The following CNTNAP5 variants were observed in gnomAD, a reference collection of about 807,000 sequenced individuals.
The protein encoded by CNTNAP5 is contactin-associated protein-like 5.
A neutral mutation model predicts 150.2 loss-of-function variants in CNTNAP5; 72 were observed. The ratio of observed to expected loss-of-function variants is 0.48; its 90% CI spans 0.40 to 0.58. The LOEUF (loss-of-function observed/expected upper bound fraction) is 0.58. CNTNAP5 is among the 20% of genes least tolerant of loss of function. CNTNAP5 has a pLI of 0.00. For synonymous variants in CNTNAP5, 672 were observed against 619.8 expected, an observed-to-expected ratio of 1.08 and a Z score of -1.25; for missense variants, 1,636 against 1,626.2, an observed-to-expected ratio of 1.01 and a Z score of -0.10.
chr2:124,271,273 A>C (rs575324730), intron 3 of CNTNAP5, among the ~76,000 whole-genome samples: 23 of 152,290 alleles, frequency 1.5e-4, no homozygotes, highest in African/African-American at 5.5e-4. Context: ...AATAAATTCC[A>C]TAAGAGGAGA....
intron 8 of CNTNAP5, among the ~76,000 whole-genome samples, chr2:124,515,305 G>T (rs1007725376): frequency 2.6e-5 from 4 of 152,150 alleles, no homozygotes; most frequent in African/African-American, 9.7e-5. Context: ...GTCCCAAAAC[G>T]TGACTCAAAC....
chr2:124,791,840 C>T (rs967908681), intron 18 of CNTNAP5, among the ~76,000 whole-genome samples: 1 of 151,970 alleles, frequency 6.6e-6, no homozygotes, highest in African/African-American at 2.4e-5. Context: ...GTTACATAGG[C>T]AAGTGTGTGC....
intron 1 of CNTNAP5, among the ~76,000 whole-genome samples, chr2:124,162,824 T>G (rs995055180): frequency 6.6e-6 from 1 of 150,896 alleles, no homozygotes; most frequent in African/African-American, 2.4e-5. Context: ...CATCATAGAA[T>G]GTATTTCAAG....
intron 1 of CNTNAP5, among the ~76,000 whole-genome samples, chr2:124,075,059 TA>T (rs1682405597): frequency 6.6e-6 from 1 of 152,104 alleles, no homozygotes; most frequent in South Asian, 2.1e-4. Context: ...TGTCAAACAT[TA>T]AAAATGTACT....
intron 7 of CNTNAP5, among the ~76,000 whole-genome samples, chr2:124,475,861 G>C (rs1269986654): frequency 6.6e-6 from 1 of 151,880 alleles, no homozygotes; most frequent in Non-Finnish European, 1.5e-5. Context: ...TCTTTTAATT[G>C]GTCTATTTAG....
At position 124,446,737 on chromosome 2, in the gene CNTNAP5, T is replaced by G. The variant is rs770210108; in HGVS notation, c.734-16T>G. 6.2e-7 allele frequency: 1 copy of G among 1,609,858 alleles called. No homozygotes were observed. ...TTGGACACAGACATCATCTTGCCTC[T>G]CTCCCCTCTTCACAGGTGACAGCAA... On this transcript the variant is annotated splice_polypyrimidine_tract_variant and intron_variant, in intron 5 of 23. Coordinates refer to ENST00000682447, the MANE Select transcript of CNTNAP5 (RefSeq NM_001367498.1).
At chr2:124,036,309 A>G (rs572469649) in intron 1 of CNTNAP5, among the ~76,000 whole-genome samples, 1 of 152,152 alleles carries the variant, frequency 6.6e-6, no homozygotes, top group East Asian at 1.9e-4. Context: ...TTCACAAGGG[A>G]AAAGGAAACC....
Position 124,843,860 on chromosome 2 carries a change from T to A in CNTNAP5, c.3218-21446T>A, listed in dbSNP as rs1212007146. On this transcript the variant is annotated intron_variant, in intron 19 of 23. Transcript: ENST00000682447. ...CCCACTTTTTGATGAGATTGTCTGTTCTTTCATTGCTAATTTGTTTGAGTT... is the reference window on the plus strand; with the variant it reads ...CCCACTTTTTGATGAGATTGTCTGTACTTTCATTGCTAATTTGTTTGAGTT... 2.0e-5 allele frequency among the ~76,000 whole-genome samples: 3 copies of A among 152,146 alleles called. No homozygotes were observed. In the East Asian group the frequency reaches 5.8e-4, roughly 29 times the overall value.
intron 11 of CNTNAP5, among the ~76,000 whole-genome samples, chr2:124,605,816 A>G (rs1697093031): frequency 6.8e-6 from 1 of 147,648 alleles, no homozygotes; most frequent in African/African-American, 2.5e-5. Context: ...TGTCAAAAAA[A>G]AAAAAAAAAA....
intron 19 of CNTNAP5, among the ~76,000 whole-genome samples, chr2:124,845,938 C>CT (rs566594290): frequency 1.4e-4 from 20 of 147,046 alleles, no homozygotes; most frequent in South Asian, 4.4e-4. Context: ...AAAGAACCAG[C>CT]TTTTTTTTTT....
chr2:124,446,610 G>C lies in CNTNAP5; in HGVS notation c.734-143G>C, dbSNP rs1228699403. 8.4e-6 allele frequency: 6 copies of C among 711,898 alleles called. No individual in the cohort carries two copies. The African/African-American group carries it at 1.1e-4, about 13-fold the overall frequency. 44.1% of individuals were successfully genotyped at this position (711,898 alleles called of 1,614,324 possible). A position where few individuals can be genotyped will look rare whatever the true frequency, so the allele number is the denominator to read the frequency against. On this transcript the variant is annotated intron_variant, in intron 5 of 23. Transcript: ENST00000682447. ...GGGCCAAGCCTGTTATTCCTTCCCAGGTCCAGCACAGTTCCAGGCCTGTAG... is the reference window on the plus strand; with the variant it reads ...GGGCCAAGCCTGTTATTCCTTCCCACGTCCAGCACAGTTCCAGGCCTGTAG...
intron 8 of CNTNAP5, among the ~76,000 whole-genome samples, chr2:124,517,731 A>T (rs1694759568): frequency 7.5e-6 from 1 of 133,034 alleles, no homozygotes; most frequent in Non-Finnish European, 1.6e-5. Flanking sequence ...GGTGTTGGTG[A>T]TGGAGGGTTT....
At chr2:124,210,003 G>T (rs1030179999) in intron 1 of CNTNAP5, among the ~76,000 whole-genome samples, 7 of 152,122 alleles carry the variant, frequency 4.6e-5, no homozygotes, top group African/African-American at 1.7e-4. Context: ...AATAAGCGGT[G>T]CCAGAAGATT....
intron 21 of CNTNAP5, among the ~76,000 whole-genome samples, chr2:124,900,812 T>A: frequency 6.6e-6 from 1 of 151,614 alleles, no homozygotes; most frequent in Non-Finnish European, 1.5e-5. Context: ...TTTATGCTCC[T>A]CTTCCCTTGT....
chr2:124,322,593 T>A (rs922130087), intron 3 of CNTNAP5, among the ~76,000 whole-genome samples: 3 of 152,226 alleles, frequency 2.0e-5, no homozygotes, highest in Non-Finnish European at 4.4e-5. Context: ...TGATAATAAA[T>A]CAGGGTCATC....
intron 13 of CNTNAP5, among the ~76,000 whole-genome samples, chr2:124,707,039 A>AAGAAGAAGG (rs1553433616): frequency 0.021 from 1,738 of 82,066 alleles, 73 homozygotes; most frequent in Admixed American, 0.033. Flanking sequence ...GAAGAAGAAG[A>AAGAAGAAGG]AGGAGGAGGA....
intron 1 of CNTNAP5, among the ~76,000 whole-genome samples, chr2:124,069,276 G>T (rs1682240649): frequency 6.6e-6 from 1 of 152,192 alleles, no homozygotes; most frequent in African/African-American, 2.4e-5. Flanking sequence ...GGAAGGAAGA[G>T]CAGGAAGGAC....
chr2:124,271,258 A>AT (rs1687744049), intron 3 of CNTNAP5, among the ~76,000 whole-genome samples: 3 of 152,182 alleles, frequency 2.0e-5, no homozygotes, highest in Admixed American at 2.0e-4. Context: ...TAAAAAAAAA[A>AT]GGAAAATAAA....
chr2:124,398,907 T>C (rs1691332953), intron 3 of CNTNAP5, among the ~76,000 whole-genome samples: 1 of 152,166 alleles, frequency 6.6e-6, no homozygotes, highest in South Asian at 2.1e-4. Context: ...ATGATGGTGA[T>C]GATGGAGGGA....
Sources: allele counts gnomAD v4.1 joint callset (sites outside exome capture counted in the v4.1 genomes callset), GRCh38; gene constraint gnomAD v4.1.1; transcripts MANE v1.5; gene names NCBI Gene and HGNC (gene_info 2026-07-23, HGNC 2026-07-21).